The following NRXN1 variants were observed in gnomAD, a reference collection of about 807,000 sequenced individuals.
The protein encoded by NRXN1 is neurexin 1, also known as neurexin-1.
A neutral mutation model predicts 150.9 loss-of-function variants in NRXN1; 39 were observed. The ratio of observed to expected loss-of-function variants is 0.26; its 90% CI spans 0.20 to 0.34. NRXN1 has a LOEUF of 0.34. Among genes scored for constraint, NRXN1 ranks in the 10% least tolerant of loss-of-function variants. The pLI is 1.00. For missense variants in NRXN1, 1,815 were observed against 1,949.9 expected, an observed-to-expected ratio of 0.93 and a Z score of 1.30; for synonymous variants, 924 against 757.0, an observed-to-expected ratio of 1.22 and a Z score of -3.62.
At chr2:50,595,568 G>C (rs1393829098) in intron 8 of NRXN1, among the ~76,000 whole-genome samples, 2 of 152,126 alleles carry the variant, frequency 1.3e-5, no homozygotes, top group Non-Finnish European at 2.9e-5. Context: ...GTCAGCATTT[G>C]AGGCTATGAG....
chr2:50,775,764 T>C (rs1185052299), intron 5 of NRXN1, among the ~76,000 whole-genome samples: 2 of 152,164 alleles, frequency 1.3e-5, no homozygotes, highest in African/African-American at 2.4e-5. Flanking sequence ...TGCCACAGCA[T>C]TGATATGCTG....
At chr2:50,045,349 C>A (rs924801450) in intron 21 of NRXN1, among the ~76,000 whole-genome samples, 1 of 151,998 alleles carries the variant, frequency 6.6e-6, no homozygotes, top group African/African-American at 2.4e-5. Flanking sequence ...ACAAAATTAT[C>A]TTTTTTGTTT....
chr2:50,765,904 T>C (rs1277174295), intron 5 of NRXN1, among the ~76,000 whole-genome samples: 2 of 152,034 alleles, frequency 1.3e-5, no homozygotes, highest in African/African-American at 2.4e-5. Flanking sequence ...AATTAACTCC[T>C]TGCTATTGAA....
intron 17 of NRXN1, among the ~76,000 whole-genome samples, chr2:50,408,061 G>A (rs2082881296): frequency 6.6e-6 from 1 of 152,010 alleles, no homozygotes. Context: ...TTCAGTAAAT[G>A]TTTTCAGTGT....
chr2:49,954,499 C>T (rs765904370), intron 21 of NRXN1, among the ~76,000 whole-genome samples: 17 of 151,998 alleles, frequency 1.1e-4, no homozygotes, highest in Non-Finnish European at 2.4e-4. Context: ...GTTAAAACTA[C>T]AGCATATAAA....
chr2:50,708,414 G>A (rs932705675), intron 5 of NRXN1, among the ~76,000 whole-genome samples: 6 of 152,060 alleles, frequency 3.9e-5, no homozygotes, highest in African/African-American at 9.7e-5. Flanking sequence ...TCTTCTTATT[G>A]GCCAATTAAC....
At chr2:50,552,566 A>G in intron 9 of NRXN1, 21 bp downstream of exon 9, 2 of 1,587,122 alleles carry the variant, frequency 1.3e-6, no homozygotes, top group Middle Eastern at 1.7e-4. Flanking sequence ...GATAAACAGC[A>G]TAGAAAAATG....
At chr2:50,716,037 G>T (rs1394298415) in intron 5 of NRXN1, among the ~76,000 whole-genome samples, 2 of 152,086 alleles carry the variant, frequency 1.3e-5, no homozygotes, top group African/African-American at 4.8e-5. Context: ...ACAAATCTAG[G>T]GAGGTGTCTT....
intron 5 of NRXN1, among the ~76,000 whole-genome samples, chr2:50,702,519 T>C (rs1245263934): frequency 6.6e-6 from 1 of 151,532 alleles, no homozygotes; most frequent in Non-Finnish European, 1.5e-5. Flanking sequence ...ACAGAGAAAA[T>C]TTTCTGTATG....
At chr2:50,567,074 C>T (rs1348383771) in intron 8 of NRXN1, among the ~76,000 whole-genome samples, 1 of 152,156 alleles carries the variant, frequency 6.6e-6, no homozygotes, top group African/African-American at 2.4e-5. Flanking sequence ...TGTTTTTCTC[C>T]TTTCTGTCCT....
intron 2 of NRXN1, among the ~76,000 whole-genome samples, chr2:51,017,234 C>T (rs1034072326): frequency 5.3e-5 from 8 of 151,828 alleles, no homozygotes; most frequent in African/African-American, 1.9e-4. Context: ...GCCCGTGTAT[C>T]CCGGAACTTA....
intron 15 of NRXN1, 37 bp downstream of exon 15, chr2:50,495,868 G>C: frequency 6.5e-7 from 1 of 1,535,092 alleles, no homozygotes; most frequent in Non-Finnish European, 8.8e-7. Context: ...AGACCGTGTG[G>C]TGCAAGGCTC....
intron 5 of NRXN1, chr2:50,840,918 C>G (rs547665779): frequency 3.9e-5 from 6 of 152,308 alleles, no homozygotes; most frequent in Admixed American, 3.9e-4. Context: ...ATGTGTAACG[C>G]TTACTTCCCT....
At chr2:50,956,873 C>G (rs921561809) in intron 2 of NRXN1, among the ~76,000 whole-genome samples, 2 of 152,120 alleles carry the variant, frequency 1.3e-5, no homozygotes, top group Non-Finnish European at 2.9e-5. Flanking sequence ...ATGGTCAGCC[C>G]CAGTTTACAT....
At position 50,528,666 on chromosome 2, in the gene NRXN1, A is replaced by G; in HGVS notation, c.2348-15T>C. ...CCTGATACAATCTAGATGGGGAAGA[A>G]TAGATGAAAAATGAAAATTCATCCT... On this transcript the variant is annotated splice_polypyrimidine_tract_variant and intron_variant, in intron 11 of 22. Transcript: ENST00000401669. The G allele has an allele frequency of 6.5e-7, 1 of 1,532,738 alleles. No homozygotes were observed. Among genetic ancestry groups the G allele is most frequent in the Non-Finnish European group, 9.0e-7 (1 of 1,117,224 alleles). 94.9% of individuals were successfully genotyped at this position (1,532,738 alleles called of 1,614,324 possible).
intron 9 of NRXN1, among the ~76,000 whole-genome samples, chr2:50,547,244 T>G (rs2093514983): frequency 6.6e-6 from 1 of 152,168 alleles, no homozygotes. Context: ...ACAAGCCAAC[T>G]TTGACAAGAA....
chr2:50,074,480 T>A (rs1696761151), intron 19 of NRXN1, among the ~76,000 whole-genome samples: 1 of 152,156 alleles, frequency 6.6e-6, no homozygotes, highest in Admixed American at 6.5e-5. Context: ...ATGGGGATAA[T>A]TTATGAGGTT....
At chr2:50,364,367 G>C (rs2079438565) in intron 17 of NRXN1, among the ~76,000 whole-genome samples, 1 of 152,110 alleles carries the variant, frequency 6.6e-6, no homozygotes, top group African/African-American at 2.4e-5. Flanking sequence ...TTTAGCATTT[G>C]TTGAAAATAA....
At chr2:50,763,151 C>T (rs928929827) in intron 5 of NRXN1, among the ~76,000 whole-genome samples, 2 of 151,952 alleles carry the variant, frequency 1.3e-5, no homozygotes, top group African/African-American at 2.4e-5. Flanking sequence ...CACCTGTCTA[C>T]TCTCCCAAGT....
Sources: allele counts gnomAD v4.1 joint callset (sites outside exome capture counted in the v4.1 genomes callset), GRCh38; gene constraint gnomAD v4.1.1; transcripts MANE v1.5; gene names NCBI Gene and HGNC (gene_info 2026-07-23, HGNC 2026-07-21).